The following DENND4A variants were observed in gnomAD, a reference collection of about 807,000 sequenced individuals.
The protein encoded by DENND4A is C-myc promoter-binding protein.
In DENND4A, 70 loss-of-function variants were observed where a neutral mutation model predicts 199.3. The observed-to-expected ratio is 0.35, with a 90% CI of 0.29 to 0.43. DENND4A has a LOEUF of 0.43. Among genes scored for constraint, DENND4A ranks in the 20% least tolerant of loss-of-function variants. The probability of loss-of-function intolerance (pLI) is 1.00; values close to 1 mark genes in which losing one functional copy is unlikely to be tolerated. For synonymous variants in DENND4A, 686 were observed against 766.9 expected (o/e 0.89, Z 1.74); for missense variants, 1,723 against 2,255.8 (o/e 0.76, Z 4.78).
At chr15:65,714,369 C>T (rs945221408) in intron 14 of DENND4A, among the ~76,000 whole-genome samples, 57 of 151,512 alleles carry the variant, frequency 3.8e-4, no homozygotes, top group African/African-American at 1.2e-3. Flanking sequence ...GCCAGGATCG[C>T]GCCACTGCAC....
chr15:65,748,619 C>T (rs1186251590), intron 4 of DENND4A, among the ~76,000 whole-genome samples: 1 of 135,966 alleles, frequency 7.4e-6, no homozygotes, highest in African/African-American at 2.6e-5. Context: ...AAGATCCTGT[C>T]TCTAAAAAAA....
intron 1 of DENND4A, among the ~76,000 whole-genome samples, chr15:65,767,982 C>A (rs559713052): frequency 3.3e-5 from 5 of 152,058 alleles, no homozygotes; most frequent in African/African-American, 1.2e-4. Flanking sequence ...ATCAGTTCTC[C>A]GTATCTCAGG....
chr15:65,778,893 C>CAAA (rs375471173), intron 1 of DENND4A, among the ~76,000 whole-genome samples: 5 of 107,394 alleles, frequency 4.7e-5, no homozygotes, highest in Non-Finnish European at 7.9e-5. Flanking sequence ...GACTCCGCAT[C>CAAA]AAAAAAAAAA....
intron 7 of DENND4A, among the ~76,000 whole-genome samples, 196 bp from the exon 8 acceptor site, chr15:65,733,014 T>A (rs1359106352): frequency 7.2e-5 from 11 of 152,178 alleles, no homozygotes; most frequent in Admixed American, 7.2e-4. Context: ...CCCAGTGACT[T>A]TTCACATTAA....
At chr15:65,731,760 TTC>T (rs1255746931) in intron 8 of DENND4A, 60 bp from the exon 9 acceptor site, 13 of 1,184,190 alleles carry the variant, frequency 1.1e-5, no homozygotes, top group South Asian at 1.0e-4. Context: ...AAACACCACT[TTC>T]TGTTAAAAAT....
chr15:65,702,759 CATA>C (rs2074919667), intron 16 of DENND4A, 111 bp downstream of exon 16: 6 of 1,092,488 alleles, frequency 5.5e-6, no homozygotes, highest in Non-Finnish European at 6.6e-6. Flanking sequence ...CTTTGGTGAA[CATA>C]ATAATCTAGT....
rs747845775 is a variant in DENND4A, at chr15:65,696,347, A to G, written c.3082+19T>C. 2 of 1,608,830 alleles carry G rather than the reference A, an allele frequency of 1.2e-6. No homozygotes were observed. The highest frequency in any genetic ancestry group is 3.4e-5 in the Admixed American group (2 of 59,698). On this transcript the variant is annotated intron_variant, in intron 22 of 32. Coordinates refer to ENST00000443035, the MANE Select transcript of DENND4A (RefSeq NM_001320835.1). Reference sequence around the variant, plus strand: ...TACAATTTATTCCGCACATAACACAAGCGTACTATTCAACTTACCCATGCT... The same window carrying G: ...TACAATTTATTCCGCACATAACACAGGCGTACTATTCAACTTACCCATGCT...
Position 65,789,697 on chromosome 15 carries a change from T to C in DENND4A, c.-102+2313A>G, listed in dbSNP as rs189843103. 1.7e-3 allele frequency among the ~76,000 whole-genome samples: 260 copies of C among 152,250 alleles called. 1 individual carries two copies. Among genetic ancestry groups the C allele is most frequent in the African/African-American group, 5.8e-3 (243 of 41,548 alleles). ...TAGAACAACGCACCATCAATTTAAG[T>C]AGGAATAGCACAAGGTTTATTATAT... On this transcript the variant is annotated intron_variant, in intron 1 of 32. Coordinates refer to ENST00000443035, the MANE Select transcript of DENND4A (RefSeq NM_001320835.1).
chr15:65,677,085 G>C lies in DENND4A; in HGVS notation c.4180-451C>G, dbSNP rs142655858. On this transcript the variant is annotated intron_variant, in intron 23 of 32. Coordinates refer to ENST00000443035, the MANE Select transcript of DENND4A (RefSeq NM_001320835.1). ...TATTAAAAATACATGAGAAAATCTG[G>C]TAGCTGTAGATTTTTACACGAAAAA... 6.4e-3 allele frequency among the ~76,000 whole-genome samples: 975 copies of C among 152,110 alleles called. 10 individuals carry two copies. The highest frequency in any genetic ancestry group is 0.023 in the African/African-American group (936 of 41,458).
At chr15:65,740,588 G>A (rs1415341139) in intron 5 of DENND4A, among the ~76,000 whole-genome samples, 1 of 149,824 alleles carries the variant, frequency 6.7e-6, no homozygotes, top group African/African-American at 2.5e-5. Context: ...ATGATCCCAC[G>A]ACTGCACTCT....
At chr15:65,690,313 T>C (rs2076928114) in intron 23 of DENND4A, 102 bp downstream of exon 23, 8 of 1,269,408 alleles carry the variant, frequency 6.3e-6, no homozygotes, top group Non-Finnish European at 8.3e-6. Context: ...GTCCTTTTTA[T>C]AAAGCTATGT....
chr15:65,673,491 TA>T (rs532673297), intron 24 of DENND4A, among the ~76,000 whole-genome samples: 515 of 137,100 alleles, frequency 3.8e-3, no homozygotes, highest in South Asian at 5.4e-3. Flanking sequence ...AAACAAAGGT[TA>T]AAAAAAAAAA....
intron 14 of DENND4A, among the ~76,000 whole-genome samples, chr15:65,707,887 T>C (rs1420938177): frequency 2.0e-5 from 3 of 151,916 alleles, no homozygotes; most frequent in African/African-American, 4.8e-5. Context: ...GGTTTTACCA[T>C]GTTGGCCAGG....
chr15:65,754,022 CAG>C (rs2076638187), intron 3 of DENND4A: 1 of 151,856 alleles, frequency 6.6e-6, no homozygotes, highest in African/African-American at 2.4e-5. Context: ...TTAGTAGAGA[CAG>C]GGTTTCGCCA....
chr15:65,710,468 C>G (rs1243188853), intron 14 of DENND4A, among the ~76,000 whole-genome samples: 2 of 152,088 alleles, frequency 1.3e-5, no homozygotes, highest in African/African-American at 4.8e-5. Context: ...CAAATGTATG[C>G]CACTGTTCGT....
At chr15:65,684,643 C>G (rs1244055992) in intron 23 of DENND4A, among the ~76,000 whole-genome samples, 1 of 152,024 alleles carries the variant, frequency 6.6e-6, no homozygotes, top group East Asian at 1.9e-4. Context: ...TATCTTTTCC[C>G]CAGTCTGTGG....
chr15:65,747,857 G>A (rs1039375031), intron 4 of DENND4A, among the ~76,000 whole-genome samples: 3 of 151,578 alleles, frequency 2.0e-5, no homozygotes, highest in East Asian at 1.9e-4. Flanking sequence ...CCTGACCAAC[G>A]TGGTGAAACC....
At chr15:65,765,222 C>T (rs1234021702) in intron 1 of DENND4A, among the ~76,000 whole-genome samples, 2 of 152,202 alleles carry the variant, frequency 1.3e-5, no homozygotes, top group Admixed American at 6.5e-5. Context: ...GAAGATAACA[C>T]ATCACAGCTA....
chr15:65,702,636 T>A, intron 16 of DENND4A, 125 bp from the exon 17 acceptor site: 1 of 943,010 alleles, frequency 1.1e-6, no homozygotes, highest in Non-Finnish European at 1.6e-6. Flanking sequence ...TGTCTGTAAT[T>A]AATGCGTTTT....
Sources: gnomAD v4.1 joint callset for allele counts (sites outside exome capture counted in the v4.1 genomes callset) on GRCh38, gnomAD v4.1.1 for gene constraint, MANE v1.5 for transcripts, NCBI Gene and HGNC (gene_info 2026-07-23, HGNC 2026-07-21) for gene names.